CIDEA: variants seen among roughly 807,000 people sequenced by gnomAD.
The protein encoded by CIDEA is cell death inducing DFFA like effector a, also known as lipid transferase CIDEA.
Under a neutral mutation model 18.2 loss-of-function variants are expected in CIDEA, and 10 were observed. The ratio of observed to expected loss-of-function variants is 0.55; its 90% CI spans 0.34 to 0.93. The LOEUF (loss-of-function observed/expected upper bound fraction) is 0.93, where lower values mean the gene tolerates loss of function less well. Ranked by LOEUF, CIDEA falls within the 40% of genes least tolerant of loss-of-function variation. The pLI is 0.02. For synonymous variants in CIDEA, 128 were observed against 124.8 expected, an observed-to-expected ratio of 1.03 and a Z score of -0.17; for missense variants, 309 against 293.1, an observed-to-expected ratio of 1.05 and a Z score of -0.40.
chr18:12,274,470 A>G (rs555285002), intron 4 of CIDEA, among the ~76,000 whole-genome samples, 196 bp downstream of exon 4: 2 of 152,344 alleles, frequency 1.3e-5, no homozygotes, highest in Admixed American at 1.3e-4. Context: ...GCCAAAACAG[A>G]TTTATTTCTT....
chr18:12,255,960 A>T (rs80238093), intron 1 of CIDEA, among the ~76,000 whole-genome samples: 4,243 of 152,266 alleles, frequency 0.028, 71 homozygotes, highest in Non-Finnish European at 0.042. Context: ...TCTACCTGTT[A>T]TGGACAAGCT....
chr18:12,274,047 G>A (rs1213986302), intron 3 of CIDEA, 46 bp from the exon 4 acceptor site: 10 of 1,600,666 alleles, frequency 6.2e-6, no homozygotes, highest in Non-Finnish European at 8.5e-6. Flanking sequence ...TGACGTGGGA[G>A]GGTTAGGAAG....
intron 1 of CIDEA, among the ~76,000 whole-genome samples, chr18:12,260,119 AC>A (rs1352111811): frequency 6.6e-6 from 1 of 152,184 alleles, no homozygotes; most frequent in East Asian, 1.9e-4. Flanking sequence ...CGTGAACTCA[AC>A]AAGGCGATTT....
intron 1 of CIDEA, chr18:12,254,864 C>A (rs142938525): frequency 2.3e-6 from 3 of 1,329,228 alleles, no homozygotes; most frequent in Admixed American, 4.3e-5. Flanking sequence ...ACAACGGGAG[C>A]TGGGCGCGGG....
chr18:12,269,001 T>C (rs916626150), intron 3 of CIDEA, among the ~76,000 whole-genome samples: 14 of 151,926 alleles, frequency 9.2e-5, no homozygotes, highest in Non-Finnish European at 5.9e-5. Flanking sequence ...AATTTTTGTA[T>C]TTTTAGTGGG....
At chr18:12,258,946 C>T (rs916654994) in intron 1 of CIDEA, among the ~76,000 whole-genome samples, 2 of 152,218 alleles carry the variant, frequency 1.3e-5, no homozygotes, top group African/African-American at 4.8e-5. Flanking sequence ...GTCCTCACCG[C>T]CCTCTCCCCC....
At chr18:12,268,964 T>C (rs1466670146) in intron 3 of CIDEA, among the ~76,000 whole-genome samples, 2 of 152,034 alleles carry the variant, frequency 1.3e-5, no homozygotes, top group Non-Finnish European at 2.9e-5. Flanking sequence ...TAGCTGGGAT[T>C]ACAGGTGCCT....
In CIDEA at chr18:12,264,285, C is replaced by T. The variant is rs761969816; in HGVS notation, c.184-22C>T. 1.9e-6 allele frequency: 3 copies of T among 1,562,530 alleles called. No homozygotes were observed. The Admixed American group carries it at 5.9e-5, about 31-fold the overall frequency. On this transcript the variant is annotated intron_variant, in intron 2 of 4. Coordinates refer to ENST00000320477, the MANE Select transcript of CIDEA (RefSeq NM_001279.4). ...GGAAATACCTGGCTTCACTCCATTT[C>T]TCTGATGTGTTGCACACCTAGACTC...
At chr18:12,263,090 TG>T in intron 2 of CIDEA, 121 bp downstream of exon 2, 3 of 998,148 alleles carry the variant, frequency 3.0e-6, no homozygotes, top group Non-Finnish European at 4.3e-6. Flanking sequence ...AGCATCTCAC[TG>T]GGGGGAAACG....
chr18:12,254,463 C>G, intron 1 of CIDEA, 42 bp downstream of exon 1: 2 of 1,591,200 alleles, frequency 1.3e-6, no homozygotes, highest in Non-Finnish European at 1.7e-6. Flanking sequence ...CGCTTCCAAT[C>G]GCCTTGCGTT....
rs765320539 is a variant in CIDEA, at chr18:12,277,268, T to C, written c.658T>C (p.Ter220GlnextTer19). 2 of 1,614,054 alleles carry C rather than the reference T, an allele frequency of 1.2e-6. No homozygotes were observed. The highest frequency in any genetic ancestry group is 4.5e-5 in the East Asian group (2 of 44,884). Residue 220 changes from the stop codon to glutamine (Q), a stop_lost, in exon 5 of 5, where the codon TAG becomes CAG. Transcript: ENST00000320477. ...SQAKGRFTCG* is the reference protein window; with the variant it reads ...SQAKGRFTCGQ ...AGCCAAGGGCAGGTTCACGTGTGGA[T>C]AGGGATGCAGGCTGTCGCCGGCTCT...
chr18:12,266,408 T>C (rs946037932), intron 3 of CIDEA, among the ~76,000 whole-genome samples: 1 of 152,032 alleles, frequency 6.6e-6, no homozygotes, highest in Non-Finnish European at 1.5e-5. Context: ...AGAGTCATGA[T>C]TGCACCATTG....
intron 3 of CIDEA, among the ~76,000 whole-genome samples, chr18:12,267,532 G>A (rs1437453126): frequency 6.6e-6 from 1 of 152,068 alleles, no homozygotes; most frequent in Admixed American, 6.6e-5. Flanking sequence ...AAAAATTAAC[G>A]AGGACCCCAA....
intron 3 of CIDEA, among the ~76,000 whole-genome samples, chr18:12,264,836 A>T (rs1179340844): frequency 6.6e-6 from 1 of 152,188 alleles, no homozygotes; most frequent in Non-Finnish European, 1.5e-5. Flanking sequence ...TACAGGCGTG[A>T]GCCACCGCGC....
At chr18:12,272,345 T>G (rs919137092) in intron 3 of CIDEA, among the ~76,000 whole-genome samples, 2 of 152,154 alleles carry the variant, frequency 1.3e-5, no homozygotes, top group African/African-American at 4.8e-5. Flanking sequence ...TCTGAGTAGC[T>G]GGGATTACAG....
rs139265687 is a variant in CIDEA at position 12,264,414 on chromosome 18, G to A, written c.291G>A (p.Thr97=). Residue 97 remains threonine (T), a synonymous_variant, in exon 3 of 5, where the codon ACG becomes ACA. Transcript: ENST00000320477. ...TCTTTCAGACCTTGGGAGACAACACGCATTTCATGATCTTGGAAAAAGGAC... is the reference window on the plus strand; with the variant it reads ...TCTTTCAGACCTTGGGAGACAACACACATTTCATGATCTTGGAAAAAGGAC... The part of the protein sequence containing the change: ...EEFFQTLGDN[T]HFMILEKGQK... The A allele has an allele frequency of 1.4e-5, 22 of 1,613,858 alleles. No individual in the cohort carries two copies. Among genetic ancestry groups the A allele is most frequent in the Non-Finnish European group, 1.7e-5 (20 of 1,179,922 alleles).
chr18:12,272,150 G>GGGC (rs1555662639), intron 3 of CIDEA, among the ~76,000 whole-genome samples: 1 of 16,462 alleles, frequency 6.1e-5, no homozygotes, highest in Non-Finnish European at 1.3e-4. Flanking sequence ...GTGTGTGTGT[G>GGGC]GGGGGGGGGG....
chr18:12,260,327 C>A (rs955663715), intron 1 of CIDEA, among the ~76,000 whole-genome samples: 2 of 151,890 alleles, frequency 1.3e-5, no homozygotes, highest in Non-Finnish European at 2.9e-5. Flanking sequence ...AGGCATGCAC[C>A]ACCACGCCTG....
intron 1 of CIDEA, among the ~76,000 whole-genome samples, chr18:12,260,258 G>A (rs1480784580): frequency 1.3e-5 from 2 of 152,042 alleles, no homozygotes; most frequent in Non-Finnish European, 2.9e-5. Flanking sequence ...GTGCACTGTG[G>A]CCCCAATCTA....
Sources: gnomAD v4.1 joint callset for allele counts (sites outside exome capture counted in the v4.1 genomes callset) on GRCh38, gnomAD v4.1.1 for gene constraint, MANE v1.5 for transcripts, NCBI Gene and HGNC (gene_info 2026-07-23, HGNC 2026-07-21) for gene names.